The following HEATR5A variants were observed in gnomAD, a reference collection of about 807,000 sequenced individuals.
The protein encoded by HEATR5A is HEAT repeat-containing protein 5A.
A neutral mutation model predicts 218.8 loss-of-function variants in HEATR5A; 178 were observed. The ratio of observed to expected loss-of-function variants is 0.81; its 90% confidence interval spans 0.72 to 0.92. The LOEUF (loss-of-function observed/expected upper bound fraction) is 0.92, where lower values mean the gene tolerates loss of function less well. Among genes scored for constraint, HEATR5A ranks in the 40% least tolerant of loss-of-function variants. The pLI, the probability that HEATR5A is intolerant of heterozygous loss-of-function variation, is 0.00. For missense variants in HEATR5A, 2,420 were observed against 2,418.9 expected, an observed-to-expected ratio of 1.00 and a Z score of -0.01; for synonymous variants, 864 against 871.6, an observed-to-expected ratio of 0.99 and a Z score of 0.15.
intron 16 of HEATR5A, among the ~76,000 whole-genome samples, chr14:31,356,539 C>G (rs1018322100): frequency 2.0e-5 from 3 of 152,136 alleles, no homozygotes; most frequent in Admixed American, 1.3e-4. Flanking sequence ...TGGTCACCTA[C>G]TATTTTTTTT....
intron 1 of HEATR5A, among the ~76,000 whole-genome samples, chr14:31,411,228 A>C (rs1272753432): frequency 1.3e-5 from 2 of 152,196 alleles, no homozygotes; most frequent in Non-Finnish European, 2.9e-5. Flanking sequence ...ATTCATAAGA[A>C]AAAGGAAAAT....
At chr14:31,347,215 A>G (rs1193804270) in intron 19 of HEATR5A, among the ~76,000 whole-genome samples, 1 of 152,096 alleles carries the variant, frequency 6.6e-6, no homozygotes, top group East Asian at 1.9e-4. Context: ...ATTTATTACT[A>G]TTATTATTAT....
At chr14:31,314,101 C>T (rs1899841323) in intron 27 of HEATR5A, among the ~76,000 whole-genome samples, 1 of 151,598 alleles carries the variant, frequency 6.6e-6, no homozygotes, top group Non-Finnish European at 1.5e-5. Context: ...GTGCGCACCA[C>T]CATGCCTGGC....
chr14:31,371,024 A>G (rs1268230219), intron 13 of HEATR5A, among the ~76,000 whole-genome samples: 2 of 152,244 alleles, frequency 1.3e-5, no homozygotes, highest in Non-Finnish European at 2.9e-5. Context: ...TTAATGCTCT[A>G]GTCCAGTGGT....
rs1253751980 is a variant in HEATR5A at position 31,349,827 on chromosome 14, T to G, written c.2670A>C (p.Gly890=). 1.2e-6 allele frequency: 2 copies of G among 1,613,126 alleles called. No individual in the cohort carries two copies. The highest frequency in any genetic ancestry group is 3.3e-5 in the Admixed American group (2 of 59,972). The change falls in exon 18 of 36, where the codon GGA becomes GGC. Residue 890 remains glycine, a synonymous_variant. Transcript: ENST00000543095. The part of the protein sequence containing the change: ...WARLAQVVDD[G]AFTAGLAQVS... ...CTTGAGCTAATCCAGCAGTAAAAGC[T>G]CCATCATCTACCACTTGGGCTAATC...
intron 32 of HEATR5A, 104 bp downstream of exon 32, chr14:31,304,801 G>A (rs781339789): frequency 2.7e-6 from 3 of 1,128,096 alleles, no homozygotes; most frequent in Non-Finnish European, 3.8e-6. Flanking sequence ...AAATGTTTGG[G>A]TCAGCATTCA....
In HEATR5A at chr14:31,293,423, C is replaced by T. The variant is rs747281156; in HGVS notation, c.6023G>A (p.Arg2008His). ...LVASSPALKA[R>H]LEAAIKGNQE... ...ATTGCCCTTTATAGCAGCCTCAAGG[C>T]GGGCTTTTAGGGCTGGAGAAGAAGC... The change falls in exon 36 of 36, where the codon CGC becomes CAC. Residue 2008 changes from arginine (R) to histidine (H), a missense_variant. Coordinates refer to ENST00000543095, the MANE Select transcript of HEATR5A (RefSeq NM_015473.4). The T allele has an allele frequency of 2.4e-5, 38 of 1,613,774 alleles. 1 individual carries two copies. Among genetic ancestry groups the T allele is most frequent in the Middle Eastern group, 1.6e-4 (1 of 6,084 alleles).
chr14:31,392,186 C>G (rs1452031082), intron 6 of HEATR5A, among the ~76,000 whole-genome samples: 1 of 152,082 alleles, frequency 6.6e-6, no homozygotes, highest in African/African-American at 2.4e-5. Context: ...AAAAGCACTG[C>G]CAGGTGTGGT....
At chr14:31,297,436 T>TAGAC (rs968151071) in intron 33 of HEATR5A, 2 of 151,740 alleles carry the variant, frequency 1.3e-5, no homozygotes, top group African/African-American at 4.9e-5. Flanking sequence ...TGCCTGTGAA[T>TAGAC]AGACACTGCA....
chr14:31,338,824 T>C (rs1566759993), intron 21 of HEATR5A, among the ~76,000 whole-genome samples: 1 of 152,044 alleles, frequency 6.6e-6, no homozygotes, highest in East Asian at 1.9e-4. Context: ...ATTAAGAATA[T>C]ATAAGAAGAG....
intron 1 of HEATR5A, among the ~76,000 whole-genome samples, chr14:31,415,998 T>G (rs2031431748): frequency 1.3e-5 from 2 of 152,070 alleles, no homozygotes; most frequent in Non-Finnish European, 2.9e-5. Context: ...TCGCCCAGGC[T>G]GGAGTGCAGT....
chr14:31,313,111 C>G lies in HEATR5A; in HGVS notation c.4298G>C (p.Arg1433Thr), dbSNP rs1260918391. The G allele has an allele frequency of 6.2e-7, 1 of 1,613,924 alleles. No individual in the cohort carries two copies. ...KTTTCLEDGIRNGSCSSDGLL... is the reference protein window; with the variant it reads ...KTTTCLEDGITNGSCSSDGLL... ...TCCATCTGATGAACATGATCCATTT[C>G]TGATACCGTCTTCTAAACAGGTGGT... Residue 1433 changes from arginine (R) to threonine (T), a missense_variant, in exon 28 of 36, where the codon AGA becomes ACA. Arg to Thr is a moderately conservative substitution (Grantham distance 71, BLOSUM62 -1). Coordinates refer to ENST00000543095, the MANE Select transcript of HEATR5A (RefSeq NM_015473.4).
At chr14:31,338,981 A>G (rs550352183) in intron 21 of HEATR5A, among the ~76,000 whole-genome samples, 184 of 151,410 alleles carry the variant, frequency 1.2e-3, no homozygotes, top group Middle Eastern at 6.8e-3. Flanking sequence ...TTAGCCGGGC[A>G]TGGTGGCAGG....
At chr14:31,312,764 G>A (rs559799954) in intron 28 of HEATR5A, among the ~76,000 whole-genome samples, 3 of 152,176 alleles carry the variant, frequency 2.0e-5, no homozygotes, top group Non-Finnish European at 4.4e-5. Context: ...TAGGCGTGGT[G>A]GTGTGTGCCT....
At chr14:31,353,538 C>A (rs563804729) in intron 16 of HEATR5A, among the ~76,000 whole-genome samples, 1 of 152,126 alleles carries the variant, frequency 6.6e-6, no homozygotes, top group South Asian at 2.1e-4. Flanking sequence ...GAGTTCGAGA[C>A]CAGCCTAGGC....
intron 33 of HEATR5A, among the ~76,000 whole-genome samples, chr14:31,299,868 A>G (rs1223909679): frequency 6.6e-6 from 1 of 151,458 alleles, no homozygotes; most frequent in Non-Finnish European, 1.5e-5. Flanking sequence ...GTCTCTACTA[A>G]AAATACAAAA....
At chr14:31,349,569 C>T (rs995561692) in intron 18 of HEATR5A, among the ~76,000 whole-genome samples, 1 of 152,140 alleles carries the variant, frequency 6.6e-6, no homozygotes, top group African/African-American at 2.4e-5. Flanking sequence ...AGATTCTGAT[C>T]TTTCTTATTA....
At chr14:31,385,004 T>C (rs1036955039) in intron 9 of HEATR5A, among the ~76,000 whole-genome samples, 1 of 152,202 alleles carries the variant, frequency 6.6e-6, no homozygotes. Flanking sequence ...TAAACTTTCA[T>C]GAAACATGTA....
At chr14:31,336,264 A>ATATATATATAT (rs1900666390) in intron 22 of HEATR5A, among the ~76,000 whole-genome samples, 1 of 124,064 alleles carries the variant, frequency 8.1e-6, no homozygotes, top group African/African-American at 3.0e-5. Context: ...ATATATATAT[A>ATATATATATAT]ATTTTTAAAA....
Sources: allele counts gnomAD v4.1 joint callset (sites outside exome capture counted in the v4.1 genomes callset), GRCh38; gene constraint gnomAD v4.1.1; transcripts MANE v1.5; gene names NCBI Gene and HGNC (gene_info 2026-07-23, HGNC 2026-07-21).